PDE8B: variants seen among roughly 807,000 people sequenced by gnomAD.
The protein encoded by PDE8B is phosphodiesterase 8B.
A neutral mutation model predicts 101.3 loss-of-function variants in PDE8B; 26 were observed. The ratio of observed to expected loss-of-function variants is 0.26; its 90% confidence interval spans 0.19 to 0.36. The LOEUF (loss-of-function observed/expected upper bound fraction) is 0.36, where lower values mean the gene tolerates loss of function less well. Ranked by LOEUF, PDE8B falls within the 10% of genes least tolerant of loss-of-function variation. PDE8B has a pLI of 1.00. For missense variants in PDE8B, 810 were observed against 1,163.1 expected (o/e 0.70, Z 4.42); for synonymous variants, 424 against 429.3 (o/e 0.99, Z 0.15).
At chr5:77,312,121 T>TTTTTTG in intron 2 of PDE8B, 68 bp downstream of exon 2, 1 of 1,094,656 alleles carries the variant, frequency 9.1e-7, no homozygotes. Flanking sequence ...TTTTTTTTTT[T>TTTTTTG]GAGATGGAGC....
chr5:77,378,060 T>C (rs1484854849), intron 10 of PDE8B, among the ~76,000 whole-genome samples: 3 of 141,368 alleles, frequency 2.1e-5, no homozygotes, highest in Admixed American at 6.8e-5. Context: ...CCCCTGTTGG[T>C]TCTTTGTCTA....
At chr5:77,314,236 T>C (rs553395827) in intron 2 of PDE8B, among the ~76,000 whole-genome samples, 4 of 152,276 alleles carry the variant, frequency 2.6e-5, no homozygotes, top group African/African-American at 9.6e-5. Context: ...TTCTATTCCA[T>C]TGATTTATAT....
intron 1 of PDE8B, among the ~76,000 whole-genome samples, chr5:77,307,147 C>A (rs1771404367): frequency 6.6e-6 from 1 of 152,180 alleles, no homozygotes; most frequent in African/African-American, 2.4e-5. Flanking sequence ...GACCCTTTCT[C>A]ACACTGCAAT....
chr5:77,283,768 G>A lies in PDE8B; in HGVS notation c.340-28226G>A, dbSNP rs556278259. On this transcript the variant is annotated intron_variant, in intron 1 of 21. Transcript: ENST00000264917. Reference sequence around the variant, plus strand: ...AGACAGCTTAGTTTCTCCAAGTTTGGGCAATTATGAATAAAGCTGCTGTAA... The same window carrying A: ...AGACAGCTTAGTTTCTCCAAGTTTGAGCAATTATGAATAAAGCTGCTGTAA... Among the ~76,000 whole-genome samples the A allele has an allele frequency of 1.6e-3, 247 of 152,154 alleles. 2 individuals carry two copies. The highest frequency in any genetic ancestry group is 5.7e-3 in the African/African-American group (237 of 41,502).
At chr5:77,408,190 G>A (rs1190701446) in intron 13 of PDE8B, among the ~76,000 whole-genome samples, 2 of 152,188 alleles carry the variant, frequency 1.3e-5, no homozygotes, top group Admixed American at 1.3e-4. Context: ...CAGACCAATA[G>A]GACTTGGTGA....
In PDE8B at chr5:77,400,241, A is replaced by G; in HGVS notation, c.1168-7A>G. The G allele has an allele frequency of 1.3e-6, 2 of 1,591,692 alleles. No homozygotes were observed. The highest frequency in any genetic ancestry group is 1.7e-6 in the Non-Finnish European group (2 of 1,159,618). On this transcript the variant is annotated splice_region_variant and splice_polypyrimidine_tract_variant and intron_variant, in intron 10 of 21. Coordinates refer to ENST00000264917, the MANE Select transcript of PDE8B (RefSeq NM_003719.5). ...TCTTGTTTTATCAAACTTTTGAACG[A>G]CTTTAGATTCACAAGATTCATCGTG...
the PDE8B span, among the ~76,000 whole-genome samples, chr5:77,100,043 T>G: frequency 6.6e-6 from 1 of 152,264 alleles, no homozygotes; most frequent in East Asian, 1.9e-4. Flanking sequence ...TAGGAAGAAC[T>G]GGTACAGAGA....
intron 2 of PDE8B, among the ~76,000 whole-genome samples, chr5:77,315,940 A>G (rs1773688212): frequency 6.6e-6 from 1 of 151,674 alleles, no homozygotes; most frequent in African/African-American, 2.4e-5. Flanking sequence ...GATACTTTAT[A>G]ACTTTATTTT....
rs72766935 is a variant in PDE8B at position 77,263,162 on chromosome 5, A to C, written c.340-48832A>C. On this transcript the variant is annotated intron_variant, in intron 1 of 21. Transcript: ENST00000264917. ...TCAGTGGATCATACAGAGGCCACCA[A>C]GGAGAGTATTTGAGAGATCAGGGCA... is the stretch of plus-strand genomic sequence containing the variant. Among the ~76,000 whole-genome samples the C allele has an allele frequency of 4.0e-3, 608 of 152,348 alleles. 4 individuals are homozygous for C. Among genetic ancestry groups the C allele is most frequent in the Non-Finnish European group, 6.7e-3 (459 of 68,036 alleles).
intron 1 of PDE8B, among the ~76,000 whole-genome samples, chr5:77,307,571 A>C (rs1408845639): frequency 6.6e-6 from 1 of 152,158 alleles, no homozygotes; most frequent in African/African-American, 2.4e-5. Context: ...ATACCACGGA[A>C]GTCAACAAAT....
At position 77,367,211 on chromosome 5, in the gene PDE8B, A is replaced by G. The variant is rs116251822; in HGVS notation, c.1167+13805A>G. Among the ~76,000 whole-genome samples, 410 of 152,224 alleles carry G rather than the reference A, an allele frequency of 2.7e-3. 1 individual carries two copies. The highest frequency in any genetic ancestry group is 9.3e-3 in the African/African-American group (386 of 41,532). On this transcript the variant is annotated intron_variant, in intron 10 of 21. Transcript: ENST00000264917. ...CACAAATGTCTTCACATAAAAAGGAAAGGGAAGAGAAACTTCCTCACTGTC... is the reference window on the plus strand; with the variant it reads ...CACAAATGTCTTCACATAAAAAGGAGAGGGAAGAGAAACTTCCTCACTGTC...
At chr5:77,281,082 C>T (rs1343073227) in intron 1 of PDE8B, among the ~76,000 whole-genome samples, 2 of 152,182 alleles carry the variant, frequency 1.3e-5, no homozygotes, top group African/African-American at 4.8e-5. Flanking sequence ...TGCGCAAGCC[C>T]CAGGCCACAG....
At chr5:77,367,388 T>C (rs1176949959) in intron 10 of PDE8B, among the ~76,000 whole-genome samples, 1 of 152,112 alleles carries the variant, frequency 6.6e-6, no homozygotes, top group Non-Finnish European at 1.5e-5. Context: ...GAGTGGCCAG[T>C]GCAGAAGTTA....
intron 18 of PDE8B, among the ~76,000 whole-genome samples, chr5:77,418,771 C>T (rs146618999): frequency 5.1e-4 from 78 of 152,210 alleles, no homozygotes; most frequent in African/African-American, 1.7e-3. Context: ...AAAATGTATC[C>T]ACCCCCATTT....
chr5:77,277,040 T>G (rs1330872868), intron 1 of PDE8B, among the ~76,000 whole-genome samples: 1 of 152,124 alleles, frequency 6.6e-6, no homozygotes. Context: ...TCACGGTGGT[T>G]GTTCTCACCA....
At chr5:77,400,153 T>G (rs1310467143) in intron 10 of PDE8B, 95 bp from the exon 11 acceptor site, 1 of 871,138 alleles carries the variant, frequency 1.1e-6, no homozygotes, top group African/African-American at 1.6e-5. Context: ...CTTCAAGTCT[T>G]CAGAGCTTTT....
At chr5:77,408,591 G>A (rs927523818) in intron 13 of PDE8B, among the ~76,000 whole-genome samples, 18 of 152,244 alleles carry the variant, frequency 1.2e-4, no homozygotes, top group African/African-American at 2.4e-4. Flanking sequence ...TTCTGGAAGC[G>A]AGAGAGTGAG....
intron 1 of PDE8B, among the ~76,000 whole-genome samples, chr5:77,259,765 C>T (rs893361297): frequency 6.6e-6 from 1 of 152,226 alleles, no homozygotes; most frequent in Non-Finnish European, 1.5e-5. Flanking sequence ...TTTCCCACAT[C>T]CTGGCAAGTT....
At chr5:77,374,148 T>G (rs887302375) in intron 10 of PDE8B, among the ~76,000 whole-genome samples, 2 of 152,138 alleles carry the variant, frequency 1.3e-5, no homozygotes, top group African/African-American at 2.4e-5. Context: ...TGCACTTGGC[T>G]GATACTCTCT....
Sources: allele counts gnomAD v4.1 joint callset (sites outside exome capture counted in the v4.1 genomes callset), GRCh38; gene constraint gnomAD v4.1.1; transcripts MANE v1.5; gene names NCBI Gene and HGNC (gene_info 2026-07-23, HGNC 2026-07-21).